The following RELA variants were observed in gnomAD, a reference collection of about 807,000 sequenced individuals.
The protein encoded by RELA is RELA proto-oncogene, NF-kB subunit, also known as transcription factor p65.
In RELA, 14 loss-of-function variants were observed where a neutral mutation model predicts 56.7. The observed-to-expected ratio is 0.25, with a 90% CI of 0.16 to 0.39. The LOEUF is 0.39. RELA is among the 10% of genes least tolerant of loss of function. The probability of loss-of-function intolerance (pLI) is 1.00; values close to 1 mark genes in which losing one functional copy is unlikely to be tolerated. For synonymous variants in RELA, 315 were observed against 289.7 expected, an observed-to-expected ratio of 1.09 and a Z score of -0.89; for missense variants, 559 against 736.4, an observed-to-expected ratio of 0.76 and a Z score of 2.79.
At chr11:65,659,320 G>C (rs906792927) in intron 6 of RELA, among the ~76,000 whole-genome samples, 4 of 152,164 alleles carry the variant, frequency 2.6e-5, no homozygotes, top group African/African-American at 9.7e-5. Flanking sequence ...TTCCATCACT[G>C]AATCATCATT....
rs1398427963 is a variant in RELA at position 65,661,991 on chromosome 11, G to A, written c.132C>T (p.Gly44=). ...FRYKCEGRSA[G]SIPGERSTDT... is the part of the protein sequence containing the mutation. ...CTGTGCTCCTCTCGCCTGGGATGCT[G>A]CCCGCGGAGCGCCCCTCGCACTTGT... The change falls in exon 3 of 11, where the codon GGC becomes GGT. Residue 44 remains glycine (G), a synonymous_variant. Coordinates refer to ENST00000406246, the MANE Select transcript of RELA (RefSeq NM_021975.4). The A allele has an allele frequency of 6.2e-7, 1 of 1,613,804 alleles. No homozygotes were observed. Among genetic ancestry groups the A allele is most frequent in the Admixed American group, 1.7e-5 (1 of 60,008 alleles).
chr11:65,663,317 C>G (rs1856622136), upstream of RELA, among the ~76,000 whole-genome samples: 1 of 152,230 alleles, frequency 6.6e-6, no homozygotes, highest in Admixed American at 6.5e-5. Flanking sequence ...CCTTCTGCTC[C>G]GCAGAGGCCG....
rs369008511 is a variant in RELA at position 65,654,493 on chromosome 11, G to C, written c.1541C>G (p.Ala514Gly). 1.2e-6 allele frequency: 2 copies of C among 1,602,066 alleles called. No homozygotes were observed. The highest frequency in any genetic ancestry group is 1.7e-6 in the Non-Finnish European group (2 of 1,175,848). Residue 514 changes from alanine (A) to glycine (G), a missense_variant, in exon 11 of 11, where the codon GCT becomes GGT. Physicochemically the swap from Ala to Gly is moderately conservative, Grantham distance 60 (BLOSUM62 0). This residue lies in a region of RELA where 365 missense variants were observed against 387.5 expected (regional missense o/e 0.94). Transcript: ENST00000406246. ...CCCCGGGGCCCCCAGTGGAGCAGGA[G>C]CTGGGTCGGGGGGCCTCTGGGCCCC... Reference protein sequence around the residue: ...VTGAQRPPDPAPAPLGAPGLP... With the variant: ...VTGAQRPPDPGPAPLGAPGLP...
At position 65,654,497 on chromosome 11, in the gene RELA, G is replaced by C. The variant is rs200767506; in HGVS notation, c.1537C>G (p.Pro513Ala). ...LVTGAQRPPDPAPAPLGAPGL... is the reference protein window; with the variant it reads ...LVTGAQRPPDAAPAPLGAPGL... ...GGGGCCCCCAGTGGAGCAGGAGCTG[G>C]GTCGGGGGGCCTCTGGGCCCCTGTC... Residue 513 changes from proline to alanine, a missense_variant, in exon 11 of 11, where the codon CCA becomes GCA. Pro to Ala is a conservative substitution (Grantham distance 27). Coordinates refer to ENST00000406246, the MANE Select transcript of RELA (RefSeq NM_021975.4). The C allele has an allele frequency of 6.2e-7, 1 of 1,600,722 alleles. No individual in the cohort carries two copies. The highest frequency in any genetic ancestry group is 1.8e-5 in the Admixed American group (1 of 56,764).
chr11:65,655,049 C>A, intron 10 of RELA, 49 bp from the exon 11 acceptor site: 1 of 1,443,138 alleles, frequency 6.9e-7, no homozygotes, highest in Non-Finnish European at 9.5e-7. Flanking sequence ...CCCTAGAGAT[C>A]CACCCCGTCC....
chr11:65,654,032 C>T lies in RELA; in HGVS notation c.*346G>A, dbSNP rs1856349222. ...CTTTGTGGGCTCAAAGGCCTTACCT[C>T]CAGCCTGCTTCTGTCTCTAGGAGAG... On this transcript the variant is annotated 3_prime_UTR_variant, in exon 11 of 11. Coordinates refer to ENST00000406246, the MANE Select transcript of RELA (RefSeq NM_021975.4). The T allele has an allele frequency of 9.5e-5, 35 of 370,246 alleles. No individual in the cohort carries two copies. The highest frequency in any genetic ancestry group is 7.9e-4 in the South Asian group (35 of 44,246). The allele number at this position is 370,246 out of a possible 1,614,324, so 22.9% of individuals were successfully genotyped here.
rs753387806 is a variant in RELA at position 65,655,019 on chromosome 11, G to A, written c.1034-19C>T. 3 of 1,575,654 alleles carry A rather than the reference G, an allele frequency of 1.9e-6. No individual in the cohort carries two copies. The highest frequency in any genetic ancestry group is 2.6e-6 in the Non-Finnish European group (3 of 1,158,320). ...TGGGGTGCTGGAGGAGAGAGACAGA[G>A]AGGCAGGGGTCAGAGAAAGCCCTAG... is the stretch of plus-strand genomic sequence containing the variant. On this transcript the variant is annotated intron_variant, in intron 10 of 10. Coordinates refer to ENST00000406246, the MANE Select transcript of RELA (RefSeq NM_021975.4).
rs776162117 is a variant in RELA, at chr11:65,658,323, T to C, written c.841A>G (p.Ser281Gly). The change falls in exon 8 of 11, where the codon AGT (serine) becomes GGT (glycine). Residue 281 changes from serine to glycine, a missense_variant. Transcript: ENST00000406246. This position sits in a 1 kb window ranked among gnomAD's most constrained non-coding sequence, Gnocchi z 4.5. ...AGGTACTGGAATTCCATGGGCTCAC[T>C]GAGCTCCCGGTCGGAAGGCCGCCGC... ...QLRRPSDRELSEPMEFQYLPD... is the reference protein window; with the variant it reads ...QLRRPSDRELGEPMEFQYLPD... 6.2e-7 allele frequency: 1 copy of C among 1,609,914 alleles called. No homozygotes were observed. The highest frequency in any genetic ancestry group is 8.5e-7 in the Non-Finnish European group (1 of 1,178,684).
intron 8 of RELA, among the ~76,000 whole-genome samples, chr11:65,656,834 C>A (rs1417076585): frequency 6.6e-6 from 1 of 152,094 alleles, no homozygotes; most frequent in East Asian, 1.9e-4. Flanking sequence ...ACCACCCTGG[C>A]CAACATGGTG....
In RELA at chr11:65,662,068, G is replaced by A. The variant is rs1159476176; in HGVS notation, c.55C>T (p.Pro19Ser). Residue 19 changes from proline (P) to serine (S), a missense_variant, in exon 3 of 11, where the codon CCC becomes TCC. Physicochemically the swap from Pro to Ser is moderately conservative, Grantham distance 74. Coordinates refer to ENST00000406246, the MANE Select transcript of RELA (RefSeq NM_021975.4). ...GGCTGCTCAATGATCTCCACATAGGGGCCAGAGGCCTGGGCTGGCTCTGCC... is the reference window on the plus strand; with the variant it reads ...GGCTGCTCAATGATCTCCACATAGGAGCCAGAGGCCTGGGCTGGCTCTGCC... ...FPAEPAQASG[P>S]YVEIIEQPKQ... is the part of the protein sequence containing the mutation. The A allele has an allele frequency of 1.2e-5, 20 of 1,611,938 alleles. No individual in the cohort carries two copies. The highest frequency in any genetic ancestry group is 3.3e-5 in the Admixed American group (2 of 59,746).
At chr11:65,655,491 A>G (rs1367645162) in intron 10 of RELA, 197 bp downstream of exon 10, 8 of 601,394 alleles carry the variant, frequency 1.3e-5, no homozygotes, top group Admixed American at 2.9e-5. Context: ...GATACCCAAT[A>G]TAGAATTTAA....
chr11:65,655,091 G>C (rs1234391190), intron 10 of RELA, 91 bp from the exon 11 acceptor site: 2 of 1,028,538 alleles, frequency 1.9e-6, no homozygotes, highest in African/African-American at 3.2e-5. Flanking sequence ...ATGGTGCTCA[G>C]GCTCAATCCC....
At chr11:65,659,193 C>A (rs1238836335) in intron 6 of RELA, among the ~76,000 whole-genome samples, 1 of 152,194 alleles carries the variant, frequency 6.6e-6, no homozygotes, top group Non-Finnish European at 1.5e-5. Flanking sequence ...CCTCCTGACC[C>A]CCAGTTTATC....
intron 3 of RELA, 31 bp from the exon 4 acceptor site, chr11:65,661,866 A>G (rs374286128): frequency 5.8e-5 from 93 of 1,602,362 alleles, no homozygotes; most frequent in Non-Finnish European, 1.4e-5. Flanking sequence ...CAGACATCCA[A>G]ACCTGACTCC....
chr11:65,661,409 A>G, intron 4 of RELA: 1 of 356,344 alleles, frequency 2.8e-6, no homozygotes, highest in Non-Finnish European at 5.1e-6. Flanking sequence ...TTCTTCCTCA[A>G]ACAAGAGACG....
Position 65,653,752 on chromosome 11 carries a change from G to C in RELA, c.*626C>G, listed in dbSNP as rs544453109. On this transcript the variant is annotated 3_prime_UTR_variant, in exon 11 of 11. Transcript: ENST00000406246. ...CTTACCCTACTATTAAGGCACTTGAGAAGAGGGAGAGCAAGGAAGTCCCAG... is the reference window on the plus strand; with the variant it reads ...CTTACCCTACTATTAAGGCACTTGACAAGAGGGAGAGCAAGGAAGTCCCAG... 6.5e-6 allele frequency: 1 copy of C among 154,948 alleles called. No individual in the cohort carries two copies. The highest frequency in any genetic ancestry group is 1.4e-5 in the Non-Finnish European group (1 of 69,536). 9.6% of individuals were successfully genotyped at this position (154,948 alleles called of 1,614,324 possible).
At position 65,660,161 on chromosome 11, in the gene RELA, G is replaced by A; in HGVS notation, c.390C>T (p.Ile130=). 1.2e-6 allele frequency: 2 copies of A among 1,614,156 alleles called. No homozygotes were observed. The highest frequency in any genetic ancestry group is 1.7e-6 in the Non-Finnish European group (2 of 1,180,018). ...TGTTGTTGGTCTGGATGCGCTGACT[G>A]ATAGCCTGCTCCAGGTCCCGCTTCT... ...CVKKRDLEQA[I]SQRIQTNNNP... Residue 130 remains isoleucine, a synonymous_variant, in exon 5 of 11, where the codon ATC becomes ATT. Transcript: ENST00000406246.
In RELA at chr11:65,662,855, C is replaced by T; in HGVS notation, c.-23G>A. On this transcript the variant is annotated 5_prime_UTR_variant, in exon 1 of 11. Transcript: ENST00000406246. ...CATGGCCGGGGTCCCGGGGGCGGGGCCGGGGTCGCAGCTGGGCCCGCGGCG... is the reference window on the plus strand; with the variant it reads ...CATGGCCGGGGTCCCGGGGGCGGGGTCGGGGTCGCAGCTGGGCCCGCGGCG... 1 of 1,193,066 alleles carries T rather than the reference C, an allele frequency of 8.4e-7. No individual in the cohort carries two copies. Among genetic ancestry groups the T allele is most frequent in the Non-Finnish European group, 1.0e-6 (1 of 962,918 alleles). The allele number at this position is 1,193,066 out of a possible 1,614,324, so 73.9% of individuals were successfully genotyped here.
upstream of RELA, among the ~76,000 whole-genome samples, chr11:65,663,474 T>C (rs905612545): frequency 1.3e-5 from 2 of 152,106 alleles, no homozygotes; most frequent in Admixed American, 1.3e-4. Flanking sequence ...AGCCTGACAG[T>C]GCATCAAGAG....
Sources: gnomAD v4.1 joint callset for allele counts (sites outside exome capture counted in the v4.1 genomes callset) on GRCh38, gnomAD v4.1.1 for gene constraint, gnomAD v4.1.1 regional missense constraint, Gnocchi (gnomAD v3.1) non-coding constraint, MANE v1.5 for transcripts, NCBI Gene and HGNC (gene_info 2026-07-23, HGNC 2026-07-21) for gene names.